Variants in TXNDC9 observed in about 807,000 individuals in gnomAD.
TXNDC9 encodes thioredoxin domain-containing protein 9.
In TXNDC9, 7 loss-of-function variants were observed where a neutral mutation model predicts 23.0. The ratio of observed to expected loss-of-function variants is 0.30; its 90% CI spans 0.17 to 0.57. The LOEUF is 0.57. TXNDC9 is among the 20% of genes least tolerant of loss of function. The pLI is 0.90. For missense variants in TXNDC9, 198 were observed against 252.6 expected (o/e 0.78, Z 1.47); for synonymous variants, 72 against 90.6 (o/e 0.79, Z 1.17).
rs2094203477 is a variant in TXNDC9 at position 99,322,218 on chromosome 2, G to A, written c.309-9C>T. ...TGTCTAGTATTTTACACCTGTAAGTGACCACACATAGAAAATTATAAGCTA... is the reference window on the plus strand; with the variant it reads ...TGTCTAGTATTTTACACCTGTAAGTAACCACACATAGAAAATTATAAGCTA... On this transcript the variant is annotated splice_polypyrimidine_tract_variant and intron_variant, in intron 3 of 4. Coordinates refer to ENST00000264255, the MANE Select transcript of TXNDC9 (RefSeq NM_005783.4). The A allele has an allele frequency of 6.2e-7, 1 of 1,601,088 alleles. No homozygotes were observed. The highest frequency in any genetic ancestry group is 8.5e-7 in the Non-Finnish European group (1 of 1,172,650).
rs2094215446 is a variant in TXNDC9, at chr2:99,327,579, C to T, written c.264G>A (p.Glu88=). 4.3e-6 allele frequency: 7 copies of T among 1,613,646 alleles called. No homozygotes were observed. Among genetic ancestry groups the T allele is most frequent in the South Asian group, 2.2e-5 (2 of 91,048 alleles). Residue 88 remains glutamate (E), a synonymous_variant, in exon 3 of 5, where the codon GAG becomes GAA. Coordinates refer to ENST00000264255, the MANE Select transcript of TXNDC9 (RefSeq NM_005783.4). ...SERDFFQEVK[E]SENVVCHFYR... ...AGAAATGGCAAACCACATTTTCACT[C>T]TCCTTGACTTCTTGAAAAAAGTCTC... is the stretch of plus-strand genomic sequence containing the variant.
At chr2:99,314,529 C>CTTTTTTTTTTTTTTTTTT (rs55729391), downstream of TXNDC9, among the ~76,000 whole-genome samples, 2 of 97,446 alleles carry the variant, frequency 2.1e-5, no homozygotes, top group Non-Finnish European at 3.7e-5. Context: ...AATACTACAC[C>CTTTTTTTTTTTTTTTTTT]TTTTTTTTTT....
At chr2:99,311,186 G>A in the TXNDC9 span, among the ~76,000 whole-genome samples, 3 of 152,020 alleles carry the variant, frequency 2.0e-5, no homozygotes, top group Admixed American at 2.0e-4. Flanking sequence ...CCACCACACT[G>A]GGCTAATGTT....
intron 3 of TXNDC9, among the ~76,000 whole-genome samples, chr2:99,326,067 T>G (rs2094212243): frequency 6.6e-6 from 1 of 151,832 alleles, no homozygotes; most frequent in Non-Finnish European, 1.5e-5. Flanking sequence ...TTTTACATAC[T>G]AGTATATTTA....
At chr2:99,323,366 C>T (rs1017898812) in intron 3 of TXNDC9, among the ~76,000 whole-genome samples, 23 of 151,804 alleles carry the variant, frequency 1.5e-4, no homozygotes, top group African/African-American at 2.4e-4. Context: ...GAAACTGTGC[C>T]GTTGTACTCC....
At chr2:99,323,356 G>A (rs985547944) in intron 3 of TXNDC9, among the ~76,000 whole-genome samples, 10 of 150,668 alleles carry the variant, frequency 6.6e-5, no homozygotes, top group Non-Finnish European at 1.0e-4. Context: ...GCAGTGAGCC[G>A]AAACTGTGCC....
In TXNDC9 at chr2:99,327,422, C is replaced by T. The variant is rs1375466978; in HGVS notation, c.308+113G>A. ...CATATGAGAGAGTACAATGAAACAACTTAGGAAGTTTTTTCTTTTAGTTTT... is the reference window on the plus strand; with the variant it reads ...CATATGAGAGAGTACAATGAAACAATTTAGGAAGTTTTTTCTTTTAGTTTT... On this transcript the variant is annotated intron_variant, in intron 3 of 4. Coordinates refer to ENST00000264255, the MANE Select transcript of TXNDC9 (RefSeq NM_005783.4). 1.2e-5 allele frequency: 9 copies of T among 772,642 alleles called. No homozygotes were observed. The East Asian group carries it at 1.2e-4, about 11-fold the overall frequency. The allele number at this position is 772,642 out of a possible 1,614,324, so 47.9% of individuals were successfully genotyped here.
chr2:99,334,288 AG>A (rs2105327497), intron 1 of TXNDC9, among the ~76,000 whole-genome samples: 1 of 152,048 alleles, frequency 6.6e-6, no homozygotes, highest in Admixed American at 6.6e-5. Context: ...CAGGAGGCAG[AG>A]GTTGCAGTGG....
downstream of TXNDC9, among the ~76,000 whole-genome samples, chr2:99,318,377 A>C (rs1324536347): frequency 6.6e-6 from 1 of 151,686 alleles, no homozygotes; most frequent in Non-Finnish European, 1.5e-5. Context: ...GGTTTCACCA[A>C]GTTAGCGAGA....
At chr2:99,309,186 C>T in the TXNDC9 span, among the ~76,000 whole-genome samples, 3 of 146,764 alleles carry the variant, frequency 2.0e-5, no homozygotes, top group East Asian at 2.1e-4. Context: ...CAGCCTGGCC[C>T]GCATGACGAA....
chr2:99,314,427 C>T (rs573917058), downstream of TXNDC9, among the ~76,000 whole-genome samples: 510 of 149,860 alleles, frequency 3.4e-3, 3 homozygotes, highest in African/African-American at 0.011. Flanking sequence ...AGTATAACAA[C>T]TATTTATATA....
At chr2:99,323,850 T>C (rs2094207751) in intron 3 of TXNDC9, among the ~76,000 whole-genome samples, 1 of 152,148 alleles carries the variant, frequency 6.6e-6, no homozygotes, top group African/African-American at 2.4e-5. Context: ...AACTTTTATT[T>C]ATTCATCTTT....
At chr2:99,332,927 CA>C in intron 2 of TXNDC9, 94 bp downstream of exon 2, 1 of 1,088,368 alleles carries the variant, frequency 9.2e-7, no homozygotes, top group African/African-American at 1.6e-5. Flanking sequence ...ACCCTAAACA[CA>C]AAGAACGAAA....
rs528602849 is a variant in TXNDC9, at chr2:99,330,290, C to CAAAA, written c.190-2641_190-2638dup. 5.0e-4 allele frequency among the ~76,000 whole-genome samples: 14 copies of CAAAA among 28,164 alleles called. 3 individuals are homozygous for CAAAA. Among genetic ancestry groups the CAAAA allele is most frequent in the African/African-American group, 1.4e-3 (9 of 6,590 alleles). 18.5% of individuals were successfully genotyped at this position (28,164 alleles called of 152,430 possible). On this transcript the variant is annotated intron_variant, in intron 2 of 4. Transcript: ENST00000264255. Reference sequence around the variant, plus strand: ...GGGCAACAGAGCAAGACTCTTATCTCAAAAAAAAAAAAAAAAAAAAAAAAA... The same window carrying CAAAA: ...GGGCAACAGAGCAAGACTCTTATCTCAAAAAAAAAAAAAAAAAAAAAAAAAAAAA...
intron 2 of TXNDC9, 143 bp downstream of exon 2, chr2:99,332,879 C>T: frequency 1.5e-6 from 1 of 682,604 alleles, no homozygotes; most frequent in African/African-American, 1.8e-5. Context: ...TTTTTCTGGG[C>T]AAATTTTTAA....
In TXNDC9 at chr2:99,327,650, A is replaced by C; in HGVS notation, c.193T>G (p.Trp65Gly). The C allele has an allele frequency of 6.2e-7, 1 of 1,609,282 alleles. No homozygotes were observed. Residue 65 changes from tryptophan to glycine, a missense_variant, in exon 3 of 5, where the codon TGG becomes GGG. Trp to Gly is a radical substitution (Grantham distance 184). Coordinates refer to ENST00000264255, the MANE Select transcript of TXNDC9 (RefSeq NM_005783.4). ...TATTCCCCATGTCCTTTAGAAAGCC[A>C]TTCCTAATTTGGAGAGAGGCAAAAC... Reference protein sequence around the residue: ...LRKAQQQKQEWLSKGHGEYRE... With the variant: ...LRKAQQQKQEGLSKGHGEYRE...
rs1559235644 is a variant in TXNDC9, at chr2:99,327,625, T to C, written c.218A>G (p.Tyr73Cys). 1 of 1,613,676 alleles carries C rather than the reference T, an allele frequency of 6.2e-7. No homozygotes were observed. Among genetic ancestry groups the C allele is most frequent in the East Asian group, 2.2e-5 (1 of 44,838 alleles). Residue 73 changes from tyrosine to cysteine, a missense_variant, in exon 3 of 5, where the codon TAC becomes TGC. Tyr to Cys is a radical substitution (Grantham distance 194, BLOSUM62 -2). Coordinates refer to ENST00000264255, the MANE Select transcript of TXNDC9 (RefSeq NM_005783.4). Reference protein sequence around the residue: ...QEWLSKGHGEYREIPSERDFF... With the variant: ...QEWLSKGHGECREIPSERDFF... ...GTCTCTTTCACTAGGGATTTCTCTGTATTCCCCATGTCCTTTAGAAAGCCA... is the reference window on the plus strand; with the variant it reads ...GTCTCTTTCACTAGGGATTTCTCTGCATTCCCCATGTCCTTTAGAAAGCCA...
intron 1 of TXNDC9, 65 bp downstream of exon 1, chr2:99,336,174 G>A (rs1256205159): frequency 1.0e-6 from 1 of 981,110 alleles, no homozygotes; most frequent in Non-Finnish European, 1.2e-6. Flanking sequence ...CGGATGTGGA[G>A]CAGCAGAATG....
Position 99,319,177 on chromosome 2 carries a change from T to C in TXNDC9, c.*505A>G, listed in dbSNP as rs2094195806. On this transcript the variant is annotated 3_prime_UTR_variant, in exon 5 of 5. Coordinates refer to ENST00000264255, the MANE Select transcript of TXNDC9 (RefSeq NM_005783.4). Reference sequence around the variant, plus strand: ...AGTATGTTCACAAATCAAAATAGCTTTCTGCTGGCATCAGTTGATTCAACA... The same window carrying C: ...AGTATGTTCACAAATCAAAATAGCTCTCTGCTGGCATCAGTTGATTCAACA... The C allele has an allele frequency of 6.6e-6, 1 of 152,302 alleles. No individual in the cohort carries two copies. The highest frequency in any genetic ancestry group is 2.4e-5 in the African/African-American group (1 of 41,458). The allele number at this position is 152,302 out of a possible 1,614,324, so 9.4% of individuals were successfully genotyped here.
Sources: allele counts gnomAD v4.1 joint callset (sites outside exome capture counted in the v4.1 genomes callset), GRCh38; gene constraint gnomAD v4.1.1; transcripts MANE v1.5; gene names NCBI Gene and HGNC (gene_info 2026-07-23, HGNC 2026-07-21).